Variants in AKAP19 observed in about 807,000 individuals in gnomAD.
AKAP19 encodes the protein small A-kinase anchoring protein.
At chr2:190,002,091 G>A in the AKAP19 span, among the ~76,000 whole-genome samples, 1 of 152,128 alleles carries the variant, frequency 6.6e-6, no homozygotes, top group African/African-American at 2.4e-5. Context: ...ATAGAACAAG[G>A]GCAGGGGATA....
the AKAP19 span, among the ~76,000 whole-genome samples, chr2:190,130,621 T>C: frequency 5.3e-5 from 8 of 152,150 alleles, no homozygotes; most frequent in African/African-American, 1.4e-4. Context: ...GATGATCAAA[T>C]GTACAGAGAG....
the AKAP19 span, chr2:190,060,209 A>T: frequency 6.2e-7 from 1 of 1,613,006 alleles, no homozygotes; most frequent in Non-Finnish European, 8.5e-7. Flanking sequence ...GCCAAATACC[A>T]GTGCCTGGGT....
At chr2:190,151,338 A>G in the AKAP19 span, among the ~76,000 whole-genome samples, 5 of 152,142 alleles carry the variant, frequency 3.3e-5, 1 homozygote, top group Admixed American at 3.3e-4. Context: ...CGCATGCGTT[A>G]GCTATTTATC....
chr2:189,981,193 G>A, the AKAP19 span, among the ~76,000 whole-genome samples: 2 of 150,838 alleles, frequency 1.3e-5, no homozygotes, highest in African/African-American at 2.4e-5. Context: ...ATGCTCCAAT[G>A]TTGGGTGTAT....
At chr2:190,055,594 A>G in the AKAP19 span, 12 of 152,368 alleles carry the variant, frequency 7.9e-5, no homozygotes, top group South Asian at 1.7e-3. Context: ...GAACCGGAGT[A>G]GCAGACCTAA....
the AKAP19 span, among the ~76,000 whole-genome samples, chr2:190,107,796 A>AT: frequency 1.1e-4 from 16 of 152,342 alleles, 1 homozygote; most frequent in East Asian, 2.1e-3. Context: ...AACAGATCGA[A>AT]TAATATAATT....
the AKAP19 span, among the ~76,000 whole-genome samples, chr2:189,883,289 G>T: frequency 9.9e-5 from 15 of 152,044 alleles, no homozygotes; most frequent in Non-Finnish European, 2.2e-4. Flanking sequence ...ATGTATCAAA[G>T]TTCCCCTAAC....
At chr2:190,141,004 A>G in the AKAP19 span, among the ~76,000 whole-genome samples, 1 of 152,158 alleles carries the variant, frequency 6.6e-6, no homozygotes, top group Non-Finnish European at 1.5e-5. Flanking sequence ...GGCAGGGGAA[A>G]AATGCCACCT....
chr2:189,948,841 T>C, the AKAP19 span, among the ~76,000 whole-genome samples: 1 of 152,170 alleles, frequency 6.6e-6, no homozygotes, highest in Non-Finnish European at 1.5e-5. Flanking sequence ...CTTATTTATA[T>C]GTTTTGGTAT....
At chr2:190,123,839 G>A in the AKAP19 span, among the ~76,000 whole-genome samples, 1 of 152,222 alleles carries the variant, frequency 6.6e-6, no homozygotes. Context: ...AGGTGGAGAA[G>A]ATCCACCCTC....
At chr2:189,881,811 A>G in the AKAP19 span, among the ~76,000 whole-genome samples, 2 of 152,220 alleles carry the variant, frequency 1.3e-5, no homozygotes, top group African/African-American at 4.8e-5. Context: ...ATTAGGCAAG[A>G]CTAGAATCTA....
the AKAP19 span, among the ~76,000 whole-genome samples, chr2:190,019,545 G>A: frequency 3.3e-5 from 5 of 151,958 alleles, no homozygotes; most frequent in African/African-American, 9.7e-5. Flanking sequence ...CTGCTGGCAG[G>A]TACACAGAGC....
chr2:190,063,804 TG>T, the AKAP19 span, among the ~76,000 whole-genome samples: 1 of 152,112 alleles, frequency 6.6e-6, no homozygotes, highest in African/African-American at 2.4e-5. Context: ...TAGAGCTTTT[TG>T]TTCTCTAAAT....
chr2:190,180,730 C>G, the AKAP19 span: 1 of 985,296 alleles, frequency 1.0e-6, no homozygotes, highest in Non-Finnish European at 1.2e-6. This position sits in a 1 kb window ranked among gnomAD's most constrained non-coding sequence, Gnocchi z 6.8. Context: ...GCCCTGGAGC[C>G]GAGCGCCCTT....
the AKAP19 span, among the ~76,000 whole-genome samples, chr2:189,947,273 A>T: frequency 6.6e-6 from 1 of 152,190 alleles, no homozygotes; most frequent in Non-Finnish European, 1.5e-5. Flanking sequence ...TTCCATTTGC[A>T]CATAAAAGAA....
At chr2:190,021,392 T>C in the AKAP19 span, among the ~76,000 whole-genome samples, 1 of 152,256 alleles carries the variant, frequency 6.6e-6, no homozygotes, top group Non-Finnish European at 1.5e-5. Flanking sequence ...TATTCCCTAG[T>C]AGTTTGTTTA....
At chr2:190,187,945 G>C in the AKAP19 span, among the ~76,000 whole-genome samples, 16 of 152,154 alleles carry the variant, frequency 1.1e-4, no homozygotes, top group African/African-American at 3.6e-4. Flanking sequence ...TCTTCCTGAG[G>C]ATAGTGTCAG....
At chr2:190,028,974 G>T in the AKAP19 span, among the ~76,000 whole-genome samples, 10 of 152,088 alleles carry the variant, frequency 6.6e-5, no homozygotes, top group Non-Finnish European at 8.8e-5. Flanking sequence ...TGGAGCTTTT[G>T]TTCCCATAGT....
the AKAP19 span, among the ~76,000 whole-genome samples, chr2:190,116,721 A>G: frequency 6.6e-6 from 1 of 152,074 alleles, no homozygotes; most frequent in South Asian, 2.1e-4. Context: ...GTGTGCCCAG[A>G]GTTGGGTGTG....
Sources: gnomAD v4.1 joint callset for allele counts (sites outside exome capture counted in the v4.1 genomes callset) on GRCh38, gnomAD v4.1.1 for gene constraint, Gnocchi (gnomAD v3.1) non-coding constraint, MANE v1.5 for transcripts, NCBI Gene and HGNC (gene_info 2026-07-23, HGNC 2026-07-21) for gene names.